CDC42BPB: variants seen among roughly 807,000 people sequenced by gnomAD.
CDC42BPB encodes CDC42 binding protein kinase beta.
In CDC42BPB, 37 loss-of-function variants were observed where a neutral mutation model predicts 214.9. That is an observed-to-expected ratio of 0.17 (90% confidence interval 0.13 to 0.23). The LOEUF is 0.23. Ranked by LOEUF, CDC42BPB falls within the 10% of genes least tolerant of loss-of-function variation. The probability of loss-of-function intolerance (pLI) is 1.00; values close to 1 mark genes in which losing one functional copy is unlikely to be tolerated. For missense variants in CDC42BPB, 1,694 were observed against 2,227.0 expected, an observed-to-expected ratio of 0.76 and a Z score of 4.82; for synonymous variants, 931 against 884.0, an observed-to-expected ratio of 1.05 and a Z score of -0.94.
At chr14:102,974,277 T>TTAC (rs1893630536) in intron 11 of CDC42BPB, 128 bp from the exon 12 acceptor site, 2 of 1,406,622 alleles carry the variant, frequency 1.4e-6, no homozygotes. Flanking sequence ...GAGGTTTTTT[T>TTAC]ACTTACACAC....
chr14:102,959,543 T>C (rs1384240151), intron 21 of CDC42BPB, 88 bp downstream of exon 21: 1 of 853,554 alleles, frequency 1.2e-6, no homozygotes, highest in Non-Finnish European at 1.9e-6. Flanking sequence ...GGTGTGTTTG[T>C]GGCCCCATGA....
At chr14:103,056,969 GCA>G in intron 1 of CDC42BPB, 28 bp downstream of exon 1, 1 of 1,337,994 alleles carries the variant, frequency 7.5e-7, no homozygotes, top group Non-Finnish European at 9.7e-7. Context: ...TCGCAGAGCC[GCA>G]GGTCCGGCCC....
At chr14:103,035,227 T>G (rs965835495) in intron 1 of CDC42BPB, among the ~76,000 whole-genome samples, 1 of 152,022 alleles carries the variant, frequency 6.6e-6, no homozygotes, top group African/African-American at 2.4e-5. Context: ...CCGGCTAATT[T>G]TGTATTTTTA....
intron 9 of CDC42BPB, among the ~76,000 whole-genome samples, chr14:102,977,011 C>T (rs1893775746): frequency 6.6e-6 from 1 of 152,144 alleles, no homozygotes; most frequent in Non-Finnish European, 1.5e-5. Context: ...CCTGGCCTCT[C>T]ACACCAAAAG....
chr14:102,992,939 A>G (rs1595118205), intron 5 of CDC42BPB, among the ~76,000 whole-genome samples: 1 of 151,724 alleles, frequency 6.6e-6, no homozygotes, highest in Admixed American at 6.6e-5. Context: ...AGCGATTCTC[A>G]TACCTCAGCC....
chr14:103,044,772 A>G (rs1282955206), intron 1 of CDC42BPB, among the ~76,000 whole-genome samples: 1 of 151,516 alleles, frequency 6.6e-6, no homozygotes, highest in Non-Finnish European at 1.5e-5. Context: ...CGGCCTCCCA[A>G]AGTGCTGGGA....
chr14:103,041,523 G>C (rs1887993015), intron 1 of CDC42BPB: 4 of 1,393,956 alleles, frequency 2.9e-6, no homozygotes, highest in African/African-American at 2.8e-5. Flanking sequence ...ACTGGCAGCT[G>C]GCTCGTGGCC....
At chr14:103,011,473 C>T (rs1035263834) in intron 2 of CDC42BPB, among the ~76,000 whole-genome samples, 5 of 152,232 alleles carry the variant, frequency 3.3e-5, no homozygotes, top group Non-Finnish European at 7.3e-5. Flanking sequence ...TGACTCACAC[C>T]TGTAATCCCA....
intron 6 of CDC42BPB, 59 bp downstream of exon 6, chr14:102,986,428 C>T: frequency 2.6e-6 from 3 of 1,151,224 alleles, no homozygotes; most frequent in African/African-American, 1.5e-5. Flanking sequence ...TGAAAACTTC[C>T]CTTCTGACTA....
intron 36 of CDC42BPB, among the ~76,000 whole-genome samples, chr14:102,937,349 C>CA (rs1891686361): frequency 1.3e-5 from 2 of 152,236 alleles, no homozygotes. Context: ...ATGGAGAAGA[C>CA]AAAGGACTTC....
At chr14:103,056,688 G>C (rs1888983300) in intron 1 of CDC42BPB, among the ~76,000 whole-genome samples, 1 of 148,950 alleles carries the variant, frequency 6.7e-6, no homozygotes, top group Admixed American at 6.7e-5. Flanking sequence ...GAGGGGGTGG[G>C]AGTGGGAACG....
chr14:102,943,303 G>A lies in CDC42BPB; in HGVS notation c.4408+588C>T, dbSNP rs1891985417. ...TTAAGGTTTTAAAAGCAATCGGACA[G>A]CGGGCCAGTCGGGAAGTGTCCACTG... On this transcript the variant is annotated intron_variant, in intron 30 of 36. Transcript: ENST00000361246. This position sits in a 1 kb window ranked among gnomAD's most constrained non-coding sequence, Gnocchi z 4.6. Among the ~76,000 whole-genome samples the A allele has an allele frequency of 6.6e-6, 1 of 152,210 alleles. No homozygotes were observed. The highest frequency in any genetic ancestry group is 2.4e-5 in the African/African-American group (1 of 41,450).
intron 3 of CDC42BPB, among the ~76,000 whole-genome samples, chr14:103,007,253 C>T (rs1160026595): frequency 6.6e-6 from 1 of 152,126 alleles, no homozygotes; most frequent in African/African-American, 2.4e-5. Flanking sequence ...GTTGTGAGAC[C>T]TTGTGCTGGG....
In CDC42BPB at chr14:103,003,853, T is replaced by G. The variant is rs1322238779; in HGVS notation, c.447+75A>C. 4.9e-6 allele frequency: 6 copies of G among 1,228,192 alleles called. No homozygotes were observed. The East Asian group carries it at 1.5e-4, about 30-fold the overall frequency. The allele number at this position is 1,228,192 out of a possible 1,614,324, so 76.1% of individuals were successfully genotyped here. A position where few individuals can be genotyped will look rare whatever the true frequency, so the allele number is the denominator to read the frequency against. Reference sequence around the variant, plus strand: ...AAATGTCAGTTCCACATTGTCTGACTGAATTTTTAGTGACAGCATAAAGGA... The same window carrying G: ...AAATGTCAGTTCCACATTGTCTGACGGAATTTTTAGTGACAGCATAAAGGA... On this transcript the variant is annotated intron_variant, in intron 4 of 36. Transcript: ENST00000361246.
rs115418404 is a variant in CDC42BPB at position 102,993,430 on chromosome 14, A to G, written c.596+6135T>C. ...GTCTATTAACAGCACTTTTGGGGACATCTAACAGACTCTCCCACGTCCACC... is the reference window on the plus strand; with the variant it reads ...GTCTATTAACAGCACTTTTGGGGACGTCTAACAGACTCTCCCACGTCCACC... On this transcript the variant is annotated intron_variant, in intron 5 of 36. Coordinates refer to ENST00000361246, the MANE Select transcript of CDC42BPB (RefSeq NM_006035.4). Among the ~76,000 whole-genome samples, 910 of 152,284 alleles carry G rather than the reference A, an allele frequency of 6.0e-3. 10 individuals carry two copies. Among genetic ancestry groups the G allele is most frequent in the African/African-American group, 0.021 (881 of 41,552 alleles).
At chr14:102,963,981 T>C (rs778670517) in intron 19 of CDC42BPB, among the ~76,000 whole-genome samples, 6 of 145,732 alleles carry the variant, frequency 4.1e-5, no homozygotes, top group Non-Finnish European at 9.0e-5. Context: ...AAACCAGATC[T>C]GCAAAGAGGA....
Position 102,978,131 on chromosome 14 carries a change from C to T in CDC42BPB, c.1215G>A (p.Thr405=), listed in dbSNP as rs147252364. The change falls in exon 9 of 37, where the codon ACG becomes ACA. Residue 405 remains threonine (T), a synonymous_variant. Transcript: ENST00000361246. ...AATGATAAATCCAGACATACCTTTCCGTTGTGAATGTAAAACCAATGAATG... is the reference window on the plus strand; with the variant it reads ...AATGATAAATCCAGACATACCTTTCTGTTGTGAATGTAAAACCAATGAATG... ...HLPFIGFTFT[T]ESCFSDRGSL... is the part of the protein sequence containing the mutation. The T allele has an allele frequency of 4.8e-5, 77 of 1,610,096 alleles. No homozygotes were observed. Among genetic ancestry groups the T allele is most frequent in the African/African-American group, 4.4e-4 (33 of 74,938 alleles).
intron 1 of CDC42BPB, among the ~76,000 whole-genome samples, chr14:103,031,697 T>A (rs1261713958): frequency 6.6e-6 from 1 of 152,086 alleles, no homozygotes; most frequent in East Asian, 1.9e-4. Flanking sequence ...GGCCTGGGGC[T>A]CCCAACAGCA....
intron 7 of CDC42BPB, among the ~76,000 whole-genome samples, chr14:102,981,964 G>A (rs1324919973): frequency 6.6e-6 from 1 of 152,178 alleles, no homozygotes; most frequent in African/African-American, 2.4e-5. Flanking sequence ...GGTAGAGTGG[G>A]CTGAGAGCTG....
Sources: allele counts gnomAD v4.1 joint callset (sites outside exome capture counted in the v4.1 genomes callset), GRCh38; gene constraint gnomAD v4.1.1; non-coding constraint Gnocchi (gnomAD v3.1); transcripts MANE v1.5; gene names NCBI Gene and HGNC (gene_info 2026-07-23, HGNC 2026-07-21).